The following TMC1 variants were observed in gnomAD, a reference collection of about 807,000 sequenced individuals.
TMC1 encodes the protein transmembrane channel-like protein 1.
TMC1 carries 84 observed loss-of-function variants against 105.8 expected under a neutral mutation model. That is an observed-to-expected ratio of 0.79 (90% CI 0.67 to 0.95). TMC1 has a LOEUF of 0.95. Among genes scored for constraint, TMC1 ranks in the 40% least tolerant of loss-of-function variants. The pLI, the probability that TMC1 is intolerant of heterozygous loss-of-function variation, is 0.00. For missense variants in TMC1, 817 were observed against 914.1 expected, an observed-to-expected ratio of 0.89 and a Z score of 1.37; for synonymous variants, 315 against 311.5, an observed-to-expected ratio of 1.01 and a Z score of -0.12.
At chr9:72,806,240 C>G (rs1324423466) in intron 18 of TMC1, among the ~76,000 whole-genome samples, 2 of 145,928 alleles carry the variant, frequency 1.4e-5, no homozygotes, top group East Asian at 3.9e-4. Context: ...CCCCACCTCC[C>G]TCCCGGATGG....
intron 13 of TMC1, among the ~76,000 whole-genome samples, chr9:72,782,892 C>T (rs1447302339): frequency 1.3e-5 from 2 of 152,018 alleles, no homozygotes; most frequent in Non-Finnish European, 2.9e-5. Context: ...CAATGCTATT[C>T]CTATCAAAAT....
In TMC1 at chr9:72,635,327, A is replaced by T. The variant is rs116670473; in HGVS notation, c.-53+7264A>T. ...TTTATGAGGGCTTCATTGCATATAC[A>T]TGCCCCTCCCTGGAGGTTGGTCTGG... On this transcript the variant is annotated intron_variant, in intron 4 of 23. Transcript: ENST00000297784. 4.1e-3 allele frequency among the ~76,000 whole-genome samples: 624 copies of T among 152,194 alleles called. 3 individuals carry two copies. Among genetic ancestry groups the T allele is most frequent in the African/African-American group, 0.014 (593 of 41,536 alleles).
intron 3 of TMC1, among the ~76,000 whole-genome samples, chr9:72,622,107 G>C (rs1825262256): frequency 6.6e-6 from 1 of 152,090 alleles, no homozygotes; most frequent in African/African-American, 2.4e-5. Context: ...GGGCACTGGA[G>C]AGACCCTGCA....
At chr9:72,825,369 C>T (rs1376972392) in intron 20 of TMC1, among the ~76,000 whole-genome samples, 3 of 152,198 alleles carry the variant, frequency 2.0e-5, no homozygotes, top group Non-Finnish European at 4.4e-5. Flanking sequence ...TGTATGATAG[C>T]ATACTTTGGC....
rs553291902 is a variant in TMC1 at position 72,776,673 on chromosome 9, A to G, written c.884+4118A>G. Among the ~76,000 whole-genome samples, 21 of 152,276 alleles carry G rather than the reference A, an allele frequency of 1.4e-4. No individual in the cohort carries two copies. The South Asian group carries it at 4.1e-3, about 30-fold the overall frequency. ...AAGGTGTTCCTCCCACCAATCTTAT[A>G]TACTGTGTTGAGTACCCATTAGTTA... On this transcript the variant is annotated intron_variant, in intron 13 of 23. Transcript: ENST00000297784.
rs1361355601 is a variant in TMC1 at position 72,725,337 on chromosome 9, A to G, written c.363-14782A>G. ...TTTATGTGTGTATGTATATATATAT[A>G]TATATATATATATATATATATATAT... is the stretch of plus-strand genomic sequence containing the variant. On this transcript the variant is annotated intron_variant, in intron 8 of 23. Coordinates refer to ENST00000297784, the MANE Select transcript of TMC1 (RefSeq NM_138691.3). Among the ~76,000 whole-genome samples, 191 of 89,198 alleles carry G rather than the reference A, an allele frequency of 2.1e-3. 1 individual carries two copies. Among genetic ancestry groups the G allele is most frequent in the African/African-American group, 6.5e-3 (128 of 19,728 alleles). 58.5% of individuals were successfully genotyped at this position (89,198 alleles called of 152,430 possible). A position where few individuals can be genotyped will look rare whatever the true frequency, so the allele number is the denominator to read the frequency against.
chr9:72,667,623 GATA>G (rs1168704167), intron 5 of TMC1, among the ~76,000 whole-genome samples: 1 of 152,192 alleles, frequency 6.6e-6, no homozygotes, highest in Non-Finnish European at 1.5e-5. Context: ...TTAAAATTGA[GATA>G]ATAACACACG....
At chr9:72,800,239 A>T (rs1828447286) in intron 17 of TMC1, among the ~76,000 whole-genome samples, 1 of 152,158 alleles carries the variant, frequency 6.6e-6, no homozygotes, top group Admixed American at 6.6e-5. Context: ...GCTTAACACG[A>T]GTCTGTTTTA....
intron 1 of TMC1, among the ~76,000 whole-genome samples, chr9:72,541,793 T>A (rs1054329200): frequency 2.0e-5 from 3 of 152,066 alleles, no homozygotes; most frequent in African/African-American, 7.2e-5. Context: ...CGGCATTTTA[T>A]GTACTTCTCA....
chr9:72,830,490 G>A lies in TMC1; in HGVS notation c.2169G>A (p.Gln723=), dbSNP rs1013701048. ...ATCTCAATGCTACTGCCAAGGGCCA[G>A]AAGGCAGCGAATCTGGATCTCAAAA... The part of the protein sequence containing the change: ...IYYLNATAKG[Q]KAANLDLKKK... Residue 723 remains glutamine, a synonymous_variant, in exon 22 of 24, where the codon CAG becomes CAA. Transcript: ENST00000297784. 1.9e-6 allele frequency: 3 copies of A among 1,613,578 alleles called. No homozygotes were observed. Among genetic ancestry groups the A allele is most frequent in the African/African-American group, 2.7e-5 (2 of 74,872 alleles).
intron 1 of TMC1, among the ~76,000 whole-genome samples, chr9:72,560,165 C>T (rs1824020637): frequency 6.6e-6 from 1 of 152,214 alleles, no homozygotes; most frequent in South Asian, 2.1e-4. Flanking sequence ...ATATCCCCAA[C>T]AGGGAAGTGT....
chr9:72,700,075 GA>G (rs1246343991), intron 7 of TMC1, among the ~76,000 whole-genome samples: 1 of 150,654 alleles, frequency 6.6e-6, no homozygotes, highest in East Asian at 2.0e-4. Context: ...CCAAGATGGT[GA>G]AACCCCCATC....
At chr9:72,822,170 C>T (rs114935125) in intron 20 of TMC1, among the ~76,000 whole-genome samples, 3 of 152,154 alleles carry the variant, frequency 2.0e-5, no homozygotes, top group African/African-American at 7.2e-5. Context: ...TACAAGTTCT[C>T]CCAAGAATCT....
chr9:72,578,892 A>C (rs1348924952), intron 2 of TMC1, among the ~76,000 whole-genome samples: 3 of 152,174 alleles, frequency 2.0e-5, no homozygotes, highest in South Asian at 2.1e-4. Context: ...TCAGAATCGT[A>C]AACTCCCCCA....
chr9:72,611,577 C>T (rs1461772240), intron 2 of TMC1, among the ~76,000 whole-genome samples: 10 of 151,674 alleles, frequency 6.6e-5, no homozygotes, highest in Admixed American at 6.6e-5. Context: ...GGGGCATGAG[C>T]AGAGAAGGTA....
At chr9:72,656,448 T>C (rs986768456) in intron 5 of TMC1, among the ~76,000 whole-genome samples, 2 of 152,210 alleles carry the variant, frequency 1.3e-5, no homozygotes, top group African/African-American at 4.8e-5. Flanking sequence ...TTTCAAATAT[T>C]GTATTTTCTA....
intron 17 of TMC1, 81 bp downstream of exon 17, chr9:72,792,433 A>T: frequency 1.3e-6 from 2 of 1,551,574 alleles, no homozygotes; most frequent in South Asian, 1.1e-5. Flanking sequence ...ATTGGCTTTT[A>T]AAAAATTGCT....
chr9:72,795,900 G>A (rs1828356991), intron 17 of TMC1, among the ~76,000 whole-genome samples: 3 of 151,438 alleles, frequency 2.0e-5, no homozygotes, highest in South Asian at 2.1e-4. Flanking sequence ...CTGTCTTCAA[G>A]AGACCCATCT....
intron 19 of TMC1, among the ~76,000 whole-genome samples, chr9:72,817,474 T>A (rs1588098818): frequency 6.6e-6 from 1 of 152,200 alleles, no homozygotes; most frequent in Middle Eastern, 3.4e-3. Context: ...GTTCTGAGCT[T>A]TCATTTCCTG....
Sources: allele counts gnomAD v4.1 joint callset (sites outside exome capture counted in the v4.1 genomes callset), GRCh38; gene constraint gnomAD v4.1.1; transcripts MANE v1.5; gene names NCBI Gene and HGNC (gene_info 2026-07-23, HGNC 2026-07-21).